GLIS3: variants seen among roughly 807,000 people sequenced by gnomAD.
The protein encoded by GLIS3 is zinc finger protein GLIS3.
In GLIS3, 53 loss-of-function variants were observed where a neutral mutation model predicts 78.6. The observed-to-expected ratio is 0.67, with a 90% CI of 0.54 to 0.85. The LOEUF is 0.85. Among genes scored for constraint, GLIS3 ranks in the 40% least tolerant of loss-of-function variants. GLIS3 has a pLI of 0.00. For missense variants in GLIS3, 1,703 were observed against 1,231.1 expected (o/e 1.38, Z -5.74); for synonymous variants, 684 against 509.9 (o/e 1.34, Z -4.60).
intron 2 of GLIS3, among the ~76,000 whole-genome samples, chr9:4,203,333 G>T (rs1482934806): frequency 1.3e-5 from 2 of 152,176 alleles, no homozygotes; most frequent in Non-Finnish European, 2.9e-5. Context: ...ATCAACAGAT[G>T]CTAGTGAGGC....
intron 2 of GLIS3, among the ~76,000 whole-genome samples, chr9:4,311,275 G>A (rs1563928781): frequency 6.6e-6 from 1 of 152,170 alleles, no homozygotes; most frequent in African/African-American, 2.4e-5. Flanking sequence ...CGGGCGTGGT[G>A]GCACATGCCT....
rs1293178900 is a variant in GLIS3 at position 3,898,957 on chromosome 9, C to T, written c.1984-122G>A. On this transcript the variant is annotated intron_variant, in intron 6 of 10. Transcript: ENST00000381971. The stretch of plus-strand genomic sequence containing the variant: ...ACAAAAATTTATCAAGCAGCAACTA[C>T]GGGTAAGGCACAGAGCTTAACAGAG... The T allele has an allele frequency of 2.2e-5, 27 of 1,207,382 alleles. 1 individual carries two copies. Among genetic ancestry groups the T allele is most frequent in the South Asian group, 2.6e-5 (2 of 77,974 alleles). 74.8% of individuals were successfully genotyped at this position (1,207,382 alleles called of 1,614,324 possible).
At chr9:3,967,268 C>T (rs910958188) in intron 4 of GLIS3, among the ~76,000 whole-genome samples, 1 of 152,134 alleles carries the variant, frequency 6.6e-6, no homozygotes, top group Admixed American at 6.5e-5. Flanking sequence ...CTTTGGGAGA[C>T]CGAGGCGGGC....
At chr9:4,333,481 G>C (rs866418169) in intron 2 of GLIS3, among the ~76,000 whole-genome samples, 5 of 152,144 alleles carry the variant, frequency 3.3e-5, no homozygotes, top group Non-Finnish European at 7.4e-5. Context: ...CAGAAGGAGA[G>C]ATTTCTAGTC....
At chr9:3,872,235 G>T (rs1588127892) in intron 8 of GLIS3, among the ~76,000 whole-genome samples, 1 of 152,182 alleles carries the variant, frequency 6.6e-6, no homozygotes, top group Non-Finnish European at 1.5e-5. Context: ...CAAGTCTCTA[G>T]GAAATTCCAA....
chr9:4,207,799 C>T (rs7865171), intron 2 of GLIS3, among the ~76,000 whole-genome samples: 85,928 of 151,970 alleles, frequency 0.57, 24,437 homozygotes, highest in Middle Eastern at 0.63. Flanking sequence ...TTAACCATTA[C>T]ACCTCACTTC....
intron 4 of GLIS3, among the ~76,000 whole-genome samples, chr9:3,962,966 A>T (rs1182725474): frequency 6.9e-6 from 1 of 144,020 alleles, no homozygotes; most frequent in East Asian, 2.0e-4. Context: ...GGGGAGAGAG[A>T]TTTATTGAGG....
chr9:4,329,237 A>G (rs905149756), intron 2 of GLIS3, among the ~76,000 whole-genome samples: 4 of 152,128 alleles, frequency 2.6e-5, no homozygotes, highest in Admixed American at 1.3e-4. Flanking sequence ...CACGACCCCC[A>G]GGCCTGCATG....
rs543996694 is a variant in GLIS3, at chr9:4,170,738, T to A, written c.389-44797A>T. On this transcript the variant is annotated intron_variant, in intron 2 of 10. Coordinates refer to ENST00000381971, the MANE Select transcript of GLIS3 (RefSeq NM_001042413.2). ...AAGGCTATCCATACACCATCTGACT[T>A]TTCCTGTATGTTCAGGGTGTGTGTT... 1.4e-4 allele frequency among the ~76,000 whole-genome samples: 22 copies of A among 152,276 alleles called. 1 individual carries two copies. The South Asian group carries it at 3.7e-3, about 26-fold the overall frequency.
At chr9:3,906,526 A>G (rs1489923521) in intron 6 of GLIS3, among the ~76,000 whole-genome samples, 1 of 152,196 alleles carries the variant, frequency 6.6e-6, no homozygotes, top group Non-Finnish European at 1.5e-5. Context: ...GAGGTAAATC[A>G]GCAATTTGGT....
the GLIS3 span, among the ~76,000 whole-genome samples, chr9:4,405,652 GAACT>G: frequency 4.0e-5 from 6 of 151,846 alleles, no homozygotes; most frequent in Non-Finnish European, 7.4e-5. Flanking sequence ...AGCATTTAAA[GAACT>G]AATAGCAACC....
intron 2 of GLIS3, among the ~76,000 whole-genome samples, chr9:4,250,482 T>C (rs530316947): frequency 6.6e-6 from 1 of 152,344 alleles, no homozygotes; most frequent in South Asian, 2.1e-4. Flanking sequence ...CATTTTTTTA[T>C]TGTGTCTATT....
the GLIS3 span, among the ~76,000 whole-genome samples, chr9:4,473,632 G>A: frequency 6.6e-6 from 1 of 152,020 alleles, no homozygotes; most frequent in Non-Finnish European, 1.5e-5. Flanking sequence ...ACACACTGGG[G>A]CTTATCAGAG....
In GLIS3 at chr9:3,975,467, G is replaced by A. The variant is rs1169096811; in HGVS notation, c.1711-38278C>T. 2.0e-5 allele frequency among the ~76,000 whole-genome samples: 3 copies of A among 152,072 alleles called. No homozygotes were observed. The East Asian group carries it at 5.8e-4, about 29-fold the overall frequency. ...TGTATCTGTCAAAGTAACCTTGGGCGATTTGACTTTTTGGAATACAAACCT... is the reference window on the plus strand; with the variant it reads ...TGTATCTGTCAAAGTAACCTTGGGCAATTTGACTTTTTGGAATACAAACCT... On this transcript the variant is annotated intron_variant, in intron 4 of 10. Transcript: ENST00000381971.
rs1033126054 is a variant in GLIS3, at chr9:3,847,191, A to G, written c.2473+8818T>C. ...AGAATGAGACTCTGTTTCAGAAAAA[A>G]TAAAATTAAATAAATACATAAATAA... On this transcript the variant is annotated intron_variant, in intron 9 of 10. Transcript: ENST00000381971. Among the ~76,000 whole-genome samples the G allele has an allele frequency of 3.4e-5, 5 of 146,972 alleles. No homozygotes were observed. In the South Asian group the frequency reaches 8.8e-4, roughly 26 times the overall value.
chr9:4,380,621 C>A, the GLIS3 span, among the ~76,000 whole-genome samples: 1 of 152,120 alleles, frequency 6.6e-6, no homozygotes, highest in African/African-American at 2.4e-5. Context: ...CTGAAGTTGG[C>A]CAAGAAATCT....
At chr9:4,368,505 G>A in the GLIS3 span, among the ~76,000 whole-genome samples, 3 of 151,980 alleles carry the variant, frequency 2.0e-5, no homozygotes, top group Non-Finnish European at 4.4e-5. Context: ...CCACCACCAC[G>A]CCCGGCTAAT....
chr9:4,199,444 A>G lies in GLIS3; in HGVS notation c.389-73503T>C, dbSNP rs113292721. Among the ~76,000 whole-genome samples the G allele has an allele frequency of 4.2e-3, 629 of 149,512 alleles. 5 individuals carry two copies. The highest frequency in any genetic ancestry group is 7.0e-3 in the Non-Finnish European group (472 of 67,672). On this transcript the variant is annotated intron_variant, in intron 2 of 10. Transcript: ENST00000381971. ...CATATAAAACAGACTTTTATAACATATCATATATAAGTTATATATAAGTTT... is the reference window on the plus strand; with the variant it reads ...CATATAAAACAGACTTTTATAACATGTCATATATAAGTTATATATAAGTTT...
chr9:4,092,914 C>G (rs1829645340), intron 4 of GLIS3, among the ~76,000 whole-genome samples: 1 of 152,078 alleles, frequency 6.6e-6, no homozygotes, highest in Non-Finnish European at 1.5e-5. Context: ...CTGGCAGTGA[C>G]ATAGGTTTGT....
Sources: gnomAD v4.1 joint callset for allele counts (sites outside exome capture counted in the v4.1 genomes callset) on GRCh38, gnomAD v4.1.1 for gene constraint, MANE v1.5 for transcripts, NCBI Gene and HGNC (gene_info 2026-07-23, HGNC 2026-07-21) for gene names.